Variants in LSAMP observed in about 807,000 individuals in gnomAD.
The protein encoded by LSAMP is limbic system associated membrane protein, also known as limbic system-associated membrane protein.
A neutral mutation model predicts 38.6 loss-of-function variants in LSAMP; 7 were observed. The observed-to-expected ratio is 0.18, with a 90% CI of 0.10 to 0.34. The LOEUF is 0.34. LSAMP is among the 10% of genes least tolerant of loss of function. LSAMP has a pLI of 1.00. For missense variants in LSAMP, 313 were observed against 420.0 expected (o/e 0.75, Z 2.23); for synonymous variants, 154 against 166.8 (o/e 0.92, Z 0.59).
intron 3 of LSAMP, among the ~76,000 whole-genome samples, chr3:115,950,044 T>C (rs1938232098): frequency 6.6e-6 from 1 of 152,118 alleles, no homozygotes; most frequent in Admixed American, 6.5e-5. Flanking sequence ...GCATTTATGA[T>C]GGAAACCCTC....
intron 1 of LSAMP, among the ~76,000 whole-genome samples, chr3:116,252,287 C>T (rs942970325): frequency 2.6e-5 from 4 of 152,116 alleles, no homozygotes; most frequent in Admixed American, 1.3e-4. Context: ...ACTGTCACCA[C>T]GAGGGGCAAC....
At chr3:116,022,913 C>T (rs1412157786) in intron 2 of LSAMP, among the ~76,000 whole-genome samples, 1 of 152,148 alleles carries the variant, frequency 6.6e-6, no homozygotes, top group Non-Finnish European at 1.5e-5. Context: ...TCCCACCAAA[C>T]ACTTGTGTTT....
At chr3:116,173,017 T>C (rs540601967) in intron 1 of LSAMP, among the ~76,000 whole-genome samples, 37 of 152,108 alleles carry the variant, frequency 2.4e-4, no homozygotes, top group African/African-American at 8.7e-4. Context: ...AATAGTGCTA[T>C]CCACTAAATT....
At chr3:116,268,689 TTCTA>T (rs1394370607) in intron 1 of LSAMP, among the ~76,000 whole-genome samples, 5 of 10,938 alleles carry the variant, frequency 4.6e-4, no homozygotes, top group Non-Finnish European at 1.0e-3. Flanking sequence ...AACAATTTTT[TTCTA>T]TTTTTCTTTC....
chr3:116,268,537 A>C (rs765996170), intron 1 of LSAMP, among the ~76,000 whole-genome samples: 15 of 152,092 alleles, frequency 9.9e-5, no homozygotes, highest in Non-Finnish European at 1.9e-4. Flanking sequence ...TTTCTTTAAC[A>C]TCCTTAGAGC....
At chr3:116,289,596 A>G (rs1027014981) in intron 1 of LSAMP, among the ~76,000 whole-genome samples, 1 of 152,006 alleles carries the variant, frequency 6.6e-6, no homozygotes, top group Non-Finnish European at 1.5e-5. Context: ...TATATATGCC[A>G]CTGCCTAACT....
intron 1 of LSAMP, among the ~76,000 whole-genome samples, chr3:116,238,091 G>T (rs2046488105): frequency 6.6e-6 from 1 of 152,060 alleles, no homozygotes; most frequent in Admixed American, 6.6e-5. Flanking sequence ...AATATTTCCT[G>T]GGGGGCAAAA....
intron 5 of LSAMP, 84 bp downstream of exon 5, chr3:115,842,374 C>CTTGGT: frequency 6.6e-7 from 1 of 1,514,362 alleles, no homozygotes. Context: ...TTACAACTGG[C>CTTGGT]TTGGCTTTGG....
chr3:116,064,369 T>C (rs1941646122), intron 2 of LSAMP, among the ~76,000 whole-genome samples: 1 of 152,018 alleles, frequency 6.6e-6, no homozygotes, highest in Admixed American at 6.6e-5. Context: ...CTACTAAAAA[T>C]ACAAGCATAG....
intron 1 of LSAMP, among the ~76,000 whole-genome samples, chr3:116,379,087 G>A (rs183368049): frequency 2.6e-5 from 4 of 151,484 alleles, no homozygotes; most frequent in Non-Finnish European, 1.5e-5. Flanking sequence ...GAGTCTACGG[G>A]CATTCTGAAT....
At chr3:115,861,542 A>G (rs1935702683) in intron 3 of LSAMP, among the ~76,000 whole-genome samples, 1 of 151,960 alleles carries the variant, frequency 6.6e-6, no homozygotes, top group Admixed American at 6.6e-5. Flanking sequence ...AGGAATGTGG[A>G]CCCTGTACAC....
At chr3:116,335,950 G>A (rs1239603125) in intron 1 of LSAMP, among the ~76,000 whole-genome samples, 1 of 151,998 alleles carries the variant, frequency 6.6e-6, no homozygotes, top group Non-Finnish European at 1.5e-5. Flanking sequence ...CTATTGTTAA[G>A]CTGTAAACAG....
At chr3:116,188,651 T>G (rs774785201) in intron 1 of LSAMP, among the ~76,000 whole-genome samples, 21 of 152,212 alleles carry the variant, frequency 1.4e-4, no homozygotes, top group Non-Finnish European at 2.6e-4. Flanking sequence ...ATATTATGAA[T>G]CACTCCTGGG....
intron 1 of LSAMP, among the ~76,000 whole-genome samples, chr3:116,178,985 T>A (rs1295512449): frequency 6.6e-6 from 1 of 151,912 alleles, no homozygotes; most frequent in Non-Finnish European, 1.5e-5. Flanking sequence ...AGATATTGTA[T>A]CCCACTGCCT....
At chr3:115,882,568 T>G (rs1217323116) in intron 3 of LSAMP, among the ~76,000 whole-genome samples, 1 of 152,114 alleles carries the variant, frequency 6.6e-6, no homozygotes, top group Admixed American at 6.6e-5. Context: ...AGAGTTCCCA[T>G]AGACTCATAT....
intron 1 of LSAMP, among the ~76,000 whole-genome samples, chr3:116,313,050 T>G (rs568653714): frequency 1.3e-5 from 2 of 152,300 alleles, no homozygotes; most frequent in Admixed American, 1.3e-4. Flanking sequence ...ACAAAAACAT[T>G]CTGATGAAGA....
chr3:116,312,086 A>C (rs1356688069), intron 1 of LSAMP, among the ~76,000 whole-genome samples: 7 of 152,288 alleles, frequency 4.6e-5, no homozygotes, highest in South Asian at 4.1e-4. Flanking sequence ...TCTATTTGGC[A>C]TTCTTATCAA....
chr3:116,264,465 G>A (rs1576468384), intron 1 of LSAMP, among the ~76,000 whole-genome samples: 1 of 152,126 alleles, frequency 6.6e-6, no homozygotes, highest in East Asian at 1.9e-4. Context: ...TTCACCTTCT[G>A]AGGCCAGACT....
intron 3 of LSAMP, among the ~76,000 whole-genome samples, chr3:115,994,663 CAATGTT>C (rs1184068887): frequency 6.6e-6 from 1 of 151,970 alleles, no homozygotes; most frequent in Non-Finnish European, 1.5e-5. Context: ...ATAAAAGAAA[CAATGTT>C]AATGTAGAGT....
Sources: allele counts gnomAD v4.1 joint callset (sites outside exome capture counted in the v4.1 genomes callset), GRCh38; gene constraint gnomAD v4.1.1; transcripts MANE v1.5; gene names NCBI Gene and HGNC (gene_info 2026-07-23, HGNC 2026-07-21).